The following CPNE4 variants were observed in gnomAD, a reference collection of about 807,000 sequenced individuals.
CPNE4 encodes copine-4.
A neutral mutation model predicts 67.9 loss-of-function variants in CPNE4; 25 were observed. The ratio of observed to expected loss-of-function variants is 0.37; its 90% CI spans 0.27 to 0.51. The LOEUF (loss-of-function observed/expected upper bound fraction) is 0.51. Ranked by LOEUF, CPNE4 falls within the 20% of genes least tolerant of loss-of-function variation. The pLI is 0.93. For missense variants in CPNE4, 464 were observed against 690.8 expected, an observed-to-expected ratio of 0.67 and a Z score of 3.68; for synonymous variants, 242 against 244.9, an observed-to-expected ratio of 0.99 and a Z score of 0.11.
intron 3 of CPNE4, among the ~76,000 whole-genome samples, chr3:131,708,656 T>A (rs1232607016): frequency 4.6e-5 from 7 of 152,052 alleles, no homozygotes; most frequent in Non-Finnish European, 1.0e-4. Flanking sequence ...CACACTCTCC[T>A]CTGTGTCTTC....
At chr3:131,972,843 G>A (rs1462012042) in intron 1 of CPNE4, among the ~76,000 whole-genome samples, 1 of 152,158 alleles carries the variant, frequency 6.6e-6, no homozygotes, top group Admixed American at 6.6e-5. Flanking sequence ...GATGTTCCCA[G>A]TGAACTTATC....
At chr3:131,788,440 AAT>A (rs142535496) in intron 2 of CPNE4, among the ~76,000 whole-genome samples, 2,373 of 152,278 alleles carry the variant, frequency 0.016, 72 homozygotes, top group African/African-American at 0.055. Context: ...AATGAGTTAC[AAT>A]TTTAAAACCG....
chr3:131,639,178 A>G (rs181989009), intron 7 of CPNE4, among the ~76,000 whole-genome samples: 112 of 152,200 alleles, frequency 7.4e-4, no homozygotes, highest in Admixed American at 1.8e-3. Context: ...ACAACTAAAT[A>G]AAACTAAAAC....
At position 131,873,736 on chromosome 3, in the gene CPNE4, T is replaced by G. The variant is rs549162366; in HGVS notation, c.180+31528A>C. 6.8e-4 allele frequency among the ~76,000 whole-genome samples: 103 copies of G among 152,300 alleles called. 2 individuals carry two copies. The highest frequency in any genetic ancestry group is 4.2e-3 in the South Asian group (20 of 4,816). ...TCTAGAAGGATGACTGACCCATAAATGGACCTTATCACTCTCACAGTGTGA... is the reference window on the plus strand; with the variant it reads ...TCTAGAAGGATGACTGACCCATAAAGGGACCTTATCACTCTCACAGTGTGA... On this transcript the variant is annotated intron_variant, in intron 2 of 15. Transcript: ENST00000429747.
intron 7 of CPNE4, among the ~76,000 whole-genome samples, chr3:131,616,563 C>T (rs1462175211): frequency 6.6e-6 from 1 of 152,188 alleles, no homozygotes; most frequent in Non-Finnish European, 1.5e-5. Context: ...TGAAAAGTTC[C>T]TAGTGACAGA....
chr3:131,966,972 C>G (rs2072368863), intron 1 of CPNE4, among the ~76,000 whole-genome samples: 1 of 152,182 alleles, frequency 6.6e-6, no homozygotes, highest in East Asian at 1.9e-4. Flanking sequence ...CAAAAATCCT[C>G]AATAAAATGC....
intron 2 of CPNE4, among the ~76,000 whole-genome samples, chr3:131,803,269 G>A (rs764140815): frequency 2.6e-5 from 4 of 152,138 alleles, no homozygotes; most frequent in African/African-American, 9.7e-5. Context: ...ATGAGATGTT[G>A]CCAGTATCAT....
chr3:131,564,722 A>G (rs1472546996), intron 10 of CPNE4, among the ~76,000 whole-genome samples: 1 of 152,016 alleles, frequency 6.6e-6, no homozygotes, highest in Non-Finnish European at 1.5e-5. Flanking sequence ...CTCCCTGGGC[A>G]GAACAATTCC....
chr3:131,725,476 T>G (rs1320623754), intron 2 of CPNE4, among the ~76,000 whole-genome samples: 1 of 152,246 alleles, frequency 6.6e-6, no homozygotes, highest in Admixed American at 6.5e-5. Context: ...AAAGGTTATC[T>G]GCCTGTTCCA....
chr3:131,615,239 C>T lies in CPNE4; in HGVS notation c.682-27657G>A, dbSNP rs114444246. On this transcript the variant is annotated intron_variant, in intron 7 of 15. Coordinates refer to ENST00000429747, the MANE Select transcript of CPNE4 (RefSeq NM_130808.3). ...CCAAGACATGGAGAGAATCAAATACCGTAAGATTGCTGTGATGAGCAGAGC... is the reference window on the plus strand; with the variant it reads ...CCAAGACATGGAGAGAATCAAATACTGTAAGATTGCTGTGATGAGCAGAGC... Among the ~76,000 whole-genome samples the T allele has an allele frequency of 3.4e-3, 520 of 152,214 alleles. 3 individuals carry two copies. Among genetic ancestry groups the T allele is most frequent in the African/African-American group, 0.011 (456 of 41,544 alleles).
chr3:131,535,169 G>C lies in CPNE4; in HGVS notation c.*26C>G, dbSNP rs1487982526. The C allele has an allele frequency of 8.3e-6, 13 of 1,575,002 alleles. No homozygotes were observed. Among genetic ancestry groups the C allele is most frequent in the Non-Finnish European group, 1.1e-5 (13 of 1,161,306 alleles). Reference sequence around the variant, plus strand: ...AAATATTAGCAGGAATAGTATTTCAGAACTCTGTAAAACTGTGTGGGGAGT... The same window carrying C: ...AAATATTAGCAGGAATAGTATTTCACAACTCTGTAAAACTGTGTGGGGAGT... On this transcript the variant is annotated 3_prime_UTR_variant, in exon 16 of 16. Transcript: ENST00000429747.
chr3:131,606,293 T>C (rs1388516900), intron 7 of CPNE4, among the ~76,000 whole-genome samples: 1 of 152,210 alleles, frequency 6.6e-6, no homozygotes, highest in Non-Finnish European at 1.5e-5. Context: ...GCAACCACCA[T>C]AGGTGTTCAG....
intron 4 of CPNE4, 122 bp downstream of exon 4, chr3:131,699,787 C>A (rs143962313): frequency 2.5e-5 from 15 of 592,212 alleles, no homozygotes; most frequent in African/African-American, 2.2e-4. Flanking sequence ...TTCAATAGTT[C>A]AGTAGTTGTG....
chr3:131,890,620 G>A (rs1024686869), intron 2 of CPNE4, among the ~76,000 whole-genome samples: 1 of 151,906 alleles, frequency 6.6e-6, no homozygotes, highest in Non-Finnish European at 1.5e-5. Context: ...ACTGAAATCA[G>A]GCTCTTGAAG....
intron 2 of CPNE4, among the ~76,000 whole-genome samples, chr3:131,798,514 A>T (rs1303093273): frequency 7.9e-5 from 12 of 152,200 alleles, no homozygotes; most frequent in Admixed American, 7.9e-4. Context: ...TCTAAGTCTG[A>T]TGTTAAATGT....
At chr3:131,901,297 C>G (rs1292136788) in intron 2 of CPNE4, among the ~76,000 whole-genome samples, 1 of 151,998 alleles carries the variant, frequency 6.6e-6, no homozygotes, top group Non-Finnish European at 1.5e-5. Flanking sequence ...TTCCACTCCT[C>G]GATGGAAGAT....
intron 1 of CPNE4, among the ~76,000 whole-genome samples, chr3:131,943,822 G>T (rs1267722449): frequency 6.6e-6 from 1 of 151,974 alleles, no homozygotes; most frequent in Non-Finnish European, 1.5e-5. Flanking sequence ...GTACAAAACC[G>T]CTCCCTCCTT....
At chr3:131,650,124 G>GTCCATATA (rs2079771372) in intron 7 of CPNE4, among the ~76,000 whole-genome samples, 2 of 152,048 alleles carry the variant, frequency 1.3e-5, no homozygotes, top group South Asian at 4.2e-4. Context: ...ATCTTTTAAA[G>GTCCATATA]GGCATATCTG....
intron 1 of CPNE4, among the ~76,000 whole-genome samples, chr3:131,941,194 C>T (rs2071374714): frequency 6.6e-6 from 1 of 151,880 alleles, no homozygotes; most frequent in South Asian, 2.1e-4. Context: ...TAAATACAAC[C>T]ATTAATAATA....
Sources: gnomAD v4.1 joint callset for allele counts (sites outside exome capture counted in the v4.1 genomes callset) on GRCh38, gnomAD v4.1.1 for gene constraint, MANE v1.5 for transcripts, NCBI Gene and HGNC (gene_info 2026-07-23, HGNC 2026-07-21) for gene names.